MYH11: variants seen among roughly 807,000 people sequenced by gnomAD.
MYH11 encodes myosin heavy chain 11, also known as myosin-11.
In MYH11, 80 loss-of-function variants were observed where a neutral mutation model predicts 246.6. The observed-to-expected ratio is 0.32, with a 90% CI of 0.27 to 0.39. MYH11 has a LOEUF of 0.39. MYH11 is among the 10% of genes least tolerant of loss of function. MYH11 has a pLI of 1.00. For synonymous variants in MYH11, 1,071 were observed against 1,015.5 expected, an observed-to-expected ratio of 1.05 and a Z score of -1.04; for missense variants, 2,158 against 2,546.8, an observed-to-expected ratio of 0.85 and a Z score of 3.29.
At chr16:15,732,887 T>C (rs1344731389) in intron 26 of MYH11, 179 bp from the exon 27 acceptor site, 2 of 706,362 alleles carry the variant, frequency 2.8e-6, no homozygotes, top group Non-Finnish European at 4.8e-6. Context: ...TTTCCTCAGC[T>C]GCAAAATGTG....
Position 15,732,601 on chromosome 16 carries a change from A to G in MYH11, c.3614T>C (p.Val1205Ala), listed in dbSNP as rs2040999886. The G allele has an allele frequency of 2.5e-6, 4 of 1,613,990 alleles. No individual in the cohort carries two copies. Among genetic ancestry groups the G allele is most frequent in the Non-Finnish European group, 3.4e-6 (4 of 1,180,014 alleles). Residue 1205 changes from valine (V) to alanine (A), a missense_variant, in exon 27 of 41, where the codon GTG becomes GCG. This residue lies in a region of MYH11 where 1,013 missense variants were observed against 993.5 expected (regional missense o/e 1.02). Coordinates refer to ENST00000300036, the MANE Select transcript of MYH11 (RefSeq NM_002474.3). ...QEMRQKHAQAVEELTEQLEQF... is the reference protein window; with the variant it reads ...QEMRQKHAQAAEELTEQLEQF... ...CTCAAGCTGCTCTGTGAGCTCCTCC[A>G]CCGCCTGTGCGTGTTTCTGCCTCAT...
intron 1 of MYH11, among the ~76,000 whole-genome samples, chr16:15,838,811 AGT>A (rs2043974271): frequency 1.4e-5 from 2 of 147,234 alleles, no homozygotes; most frequent in African/African-American, 5.0e-5. Flanking sequence ...GAGCCAAGAT[AGT>A]GCCACTGCAC....
At chr16:15,796,767 T>G (rs1283414808) in intron 4 of MYH11, among the ~76,000 whole-genome samples, 2 of 152,070 alleles carry the variant, frequency 1.3e-5, no homozygotes, top group African/African-American at 2.4e-5. Context: ...AGAAAGAGAT[T>G]TGAAGATACC....
At chr16:15,852,966 T>A (rs2151398572) in intron 1 of MYH11, among the ~76,000 whole-genome samples, 1 of 152,252 alleles carries the variant, frequency 6.6e-6, no homozygotes, top group East Asian at 1.9e-4. Context: ...CACAGTCCTG[T>A]CCTAACAACT....
At chr16:15,720,742 TAAAGA>T (rs1596717969) in intron 33 of MYH11, 92 bp downstream of exon 33, 3 of 1,351,264 alleles carry the variant, frequency 2.2e-6, no homozygotes, top group Non-Finnish European at 2.1e-6. Context: ...CAAAAAAAAA[TAAAGA>T]AAACGAAGTT....
At chr16:15,719,938 A>G (rs1199370093) in intron 34 of MYH11, among the ~76,000 whole-genome samples, 1 of 152,082 alleles carries the variant, frequency 6.6e-6, no homozygotes, top group Non-Finnish European at 1.5e-5. Flanking sequence ...CCCTGATGTG[A>G]TCTGAGGGCA....
At chr16:15,820,871 G>GTTTTCTT (rs1475771659) in intron 3 of MYH11, among the ~76,000 whole-genome samples, 1 of 151,950 alleles carries the variant, frequency 6.6e-6, no homozygotes, top group Non-Finnish European at 1.5e-5. Flanking sequence ...TGCAATGTTG[G>GTTTTCTT]TTTTCTTTTC....
intron 3 of MYH11, among the ~76,000 whole-genome samples, chr16:15,799,200 C>T (rs1483438389): frequency 6.6e-6 from 1 of 152,142 alleles, no homozygotes; most frequent in Non-Finnish European, 1.5e-5. Context: ...CTTGAGGTTT[C>T]CCCCATCACC....
Position 15,726,397 on chromosome 16 carries a change from T to A in MYH11, c.3858+451A>T, listed in dbSNP as rs559105458. 5.4e-4 allele frequency: 86 copies of A among 157,958 alleles called. 1 individual carries two copies. The highest frequency in any genetic ancestry group is 2.0e-3 in the African/African-American group (82 of 40,258). 9.8% of individuals were successfully genotyped at this position (157,958 alleles called of 1,614,324 possible). On this transcript the variant is annotated intron_variant, in intron 28 of 40. Coordinates refer to ENST00000300036, the MANE Select transcript of MYH11 (RefSeq NM_002474.3). ...TTTTTTTTTTTTTCCTGAGACAGAG[T>A]TTTGCCCTTTTAGCCCAGGCTGGAG...
In MYH11 at chr16:15,723,772, T is replaced by A. The variant is rs372246989; in HGVS notation, c.4365+389A>T. Among the ~76,000 whole-genome samples the A allele has an allele frequency of 1.8e-3, 276 of 152,328 alleles. 8 individuals are homozygous for A. The South Asian group carries it at 0.056, about 31-fold the overall frequency. On this transcript the variant is annotated intron_variant, in intron 31 of 40. Transcript: ENST00000300036. ...GTACTTGGAATTTTACAGAATGAAA[T>A]CTTAGGGAAGAGTGGTATTAAAAGT...
intron 24 of MYH11, among the ~76,000 whole-genome samples, chr16:15,737,897 A>G (rs2041167619): frequency 6.6e-6 from 1 of 152,010 alleles, no homozygotes; most frequent in Non-Finnish European, 1.5e-5. Flanking sequence ...GGTTCAAGCA[A>G]TTCTCCTGCC....
intron 9 of MYH11, among the ~76,000 whole-genome samples, chr16:15,768,988 C>T (rs895069803): frequency 6.6e-6 from 1 of 150,816 alleles, no homozygotes; most frequent in African/African-American, 2.4e-5. Context: ...TTGTCTCTAC[C>T]CACCCCTCCA....
intron 9 of MYH11, among the ~76,000 whole-genome samples, chr16:15,766,553 G>A (rs2041988671): frequency 1.3e-5 from 2 of 152,060 alleles, no homozygotes; most frequent in African/African-American, 4.8e-5. Flanking sequence ...TCTATTTTTA[G>A]TAGAGACGGA....
At chr16:15,818,553 A>G (rs1016514085) in intron 3 of MYH11, among the ~76,000 whole-genome samples, 1 of 150,710 alleles carries the variant, frequency 6.6e-6, no homozygotes. Flanking sequence ...CTGCCTCAGC[A>G]CCCCCTGAGT....
chr16:15,762,822 G>C (rs1242346415), intron 10 of MYH11, among the ~76,000 whole-genome samples: 1 of 152,184 alleles, frequency 6.6e-6, no homozygotes, highest in Non-Finnish European at 1.5e-5. Flanking sequence ...GCTCTGTCTA[G>C]GCTGTGGGCA....
intron 3 of MYH11, among the ~76,000 whole-genome samples, chr16:15,800,025 T>G: frequency 1.5e-5 from 2 of 137,922 alleles, no homozygotes; most frequent in African/African-American, 2.7e-5. Flanking sequence ...GGTAGATGGA[T>G]GGGTGGGTGG....
At chr16:15,723,597 G>T (rs1220642137) in intron 31 of MYH11, among the ~76,000 whole-genome samples, 1 of 152,190 alleles carries the variant, frequency 6.6e-6, no homozygotes, top group Non-Finnish European at 1.5e-5. Flanking sequence ...GGGGAGCTGA[G>T]ATCACACCAC....
chr16:15,763,412 A>T (rs973798428), intron 10 of MYH11, among the ~76,000 whole-genome samples: 1 of 152,100 alleles, frequency 6.6e-6, no homozygotes, highest in Non-Finnish European at 1.5e-5. Context: ...TAGGGGTAGG[A>T]CGTGATGACT....
chr16:15,828,461 G>T (rs552770608), intron 2 of MYH11, among the ~76,000 whole-genome samples: 2 of 152,104 alleles, frequency 1.3e-5, no homozygotes, highest in South Asian at 4.2e-4. Flanking sequence ...TTACCTCCTG[G>T]ACTGTGACCC....
Sources: allele counts gnomAD v4.1 joint callset (sites outside exome capture counted in the v4.1 genomes callset), GRCh38; gene constraint gnomAD v4.1.1; regional missense constraint gnomAD v4.1.1; transcripts MANE v1.5; gene names NCBI Gene and HGNC (gene_info 2026-07-23, HGNC 2026-07-21).